The following SLC9A2 variants were observed in gnomAD, a reference collection of about 807,000 sequenced individuals.
SLC9A2 encodes the protein solute carrier family 9 member A2, also known as sodium/hydrogen exchanger 2.
Under a neutral mutation model 71.7 loss-of-function variants are expected in SLC9A2, and 42 were observed. The observed-to-expected ratio is 0.59, with a 90% CI of 0.46 to 0.76. The LOEUF (loss-of-function observed/expected upper bound fraction) is 0.76, where lower values mean the gene tolerates loss of function less well. Ranked by LOEUF, SLC9A2 falls within the 30% of genes least tolerant of loss-of-function variation. The pLI is 0.00. For synonymous variants in SLC9A2, 396 were observed against 392.5 expected, an observed-to-expected ratio of 1.01 and a Z score of -0.10; for missense variants, 829 against 1,017.4, an observed-to-expected ratio of 0.81 and a Z score of 2.52.
At chr2:102,660,904 C>T (rs538637793) in intron 2 of SLC9A2, among the ~76,000 whole-genome samples, 4 of 152,228 alleles carry the variant, frequency 2.6e-5, no homozygotes, top group African/African-American at 9.6e-5. Flanking sequence ...TATATAATCT[C>T]GAGGATGGGT....
chr2:102,642,575 C>T (rs1676604722), intron 1 of SLC9A2, among the ~76,000 whole-genome samples: 1 of 152,114 alleles, frequency 6.6e-6, no homozygotes, highest in East Asian at 1.9e-4. Flanking sequence ...TATTTGCTGA[C>T]ATTTTTGCAT....
chr2:102,665,591 G>A (rs1002811405), intron 3 of SLC9A2, among the ~76,000 whole-genome samples: 2 of 151,756 alleles, frequency 1.3e-5, no homozygotes, highest in African/African-American at 4.8e-5. Flanking sequence ...TGGCTAACAT[G>A]GTGAAACCCC....
At chr2:102,667,019 A>T (rs1163128682) in intron 3 of SLC9A2, among the ~76,000 whole-genome samples, 1 of 152,184 alleles carries the variant, frequency 6.6e-6, no homozygotes, top group African/African-American at 2.4e-5. Context: ...TCAGAAGCAG[A>T]TGAGGTTTGT....
chr2:102,641,601 C>T (rs1676582740), intron 1 of SLC9A2, among the ~76,000 whole-genome samples: 1 of 151,912 alleles, frequency 6.6e-6, no homozygotes, highest in Non-Finnish European at 1.5e-5. Context: ...AGAGACCCTG[C>T]CATGTAATTG....
At chr2:102,694,920 A>G (rs1392901889) in intron 6 of SLC9A2, 123 bp from the exon 7 acceptor site, 1 of 763,662 alleles carries the variant, frequency 1.3e-6, no homozygotes, top group Non-Finnish European at 2.2e-6. Flanking sequence ...TTTGGTAATA[A>G]ATAATAAACA....
chr2:102,674,811 AG>A (rs765389648), intron 3 of SLC9A2, among the ~76,000 whole-genome samples: 4 of 152,212 alleles, frequency 2.6e-5, no homozygotes, highest in Non-Finnish European at 5.9e-5. Flanking sequence ...TGTCTGCCTA[AG>A]CATTTCTCTC....
chr2:102,633,516 C>A (rs957273384), intron 1 of SLC9A2, among the ~76,000 whole-genome samples: 1 of 152,130 alleles, frequency 6.6e-6, no homozygotes, highest in Non-Finnish European at 1.5e-5. Flanking sequence ...TAATAGCACC[C>A]GGCTTCCTTC....
chr2:102,680,100 AT>A (rs1558718028), intron 3 of SLC9A2, among the ~76,000 whole-genome samples: 1 of 152,210 alleles, frequency 6.6e-6, no homozygotes, highest in Non-Finnish European at 1.5e-5. Context: ...GGATTAGAGA[AT>A]TAAAAAATAT....
At chr2:102,632,724 AAAGGCTTACATGG>A (rs1182933830) in intron 1 of SLC9A2, among the ~76,000 whole-genome samples, 2 of 152,184 alleles carry the variant, frequency 1.3e-5, no homozygotes, top group African/African-American at 4.8e-5. Flanking sequence ...GTTGGCATAC[AAAGGCTTACATGG>A]GAAAGACAGA....
intron 7 of SLC9A2, among the ~76,000 whole-genome samples, chr2:102,696,650 G>T (rs1448051093): frequency 6.6e-6 from 1 of 152,154 alleles, no homozygotes; most frequent in Non-Finnish European, 1.5e-5. Flanking sequence ...AATATAATGA[G>T]TGACAAAGAC....
rs758419336 is a variant in SLC9A2, at chr2:102,708,158, C to T, written c.2108C>T (p.Thr703Ile). 1 of 1,614,078 alleles carries T rather than the reference C, an allele frequency of 6.2e-7. No individual in the cohort carries two copies. The highest frequency in any genetic ancestry group is 8.5e-7 in the Non-Finnish European group (1 of 1,179,978). ...SSDSDADAGT[T>I]VLNLQPRARR... The stretch of plus-strand genomic sequence containing the variant: ...GACTCAGACGCAGATGCCGGGACCA[C>T]CGTGCTCAATTTGCAGCCCAGAGCC... Residue 703 changes from threonine to isoleucine, a missense_variant, in exon 12 of 12, where the codon ACC (threonine) becomes ATC (isoleucine). This residue lies in a region of SLC9A2 where 223 missense variants were observed against 197.5 expected (regional missense o/e 1.13). Coordinates refer to ENST00000233969, the MANE Select transcript of SLC9A2 (RefSeq NM_003048.6).
chr2:102,710,558 T>A lies in SLC9A2; in HGVS notation c.*2069T>A, dbSNP rs1315619068. 1 of 152,262 alleles carries A rather than the reference T, an allele frequency of 6.6e-6. No individual in the cohort carries two copies. Among genetic ancestry groups the A allele is most frequent in the Non-Finnish European group, 1.5e-5 (1 of 68,032 alleles). 9.4% of individuals were successfully genotyped at this position (152,262 alleles called of 1,614,324 possible). ...CTTTCAGTAATTCATCCATACAGAA[T>A]TTGGATGACTATGTATAAAGGAAAA... On this transcript the variant is annotated 3_prime_UTR_variant, in exon 12 of 12. Transcript: ENST00000233969.
rs7604834 is a variant in SLC9A2, at chr2:102,668,471, C to T, written c.1004+3121C>T. On this transcript the variant is annotated intron_variant, in intron 3 of 11. Transcript: ENST00000233969. ...AATTAAAAATGCATATCTACACACACGCCTTACAGAACTAGTCATTTTTCC... is the reference window on the plus strand; with the variant it reads ...AATTAAAAATGCATATCTACACACATGCCTTACAGAACTAGTCATTTTTCC... Among the ~76,000 whole-genome samples, 1,414 of 152,292 alleles carry T rather than the reference C, an allele frequency of 9.3e-3. 29 individuals carry two copies. The highest frequency in any genetic ancestry group is 0.033 in the African/African-American group (1,367 of 41,546).
At chr2:102,640,057 C>A (rs1362040487) in intron 1 of SLC9A2, among the ~76,000 whole-genome samples, 1 of 152,196 alleles carries the variant, frequency 6.6e-6, no homozygotes, top group Non-Finnish European at 1.5e-5. Flanking sequence ...AACTCTGTAA[C>A]TTTCTGGCAT....
chr2:102,684,363 AG>A (rs1677509522), intron 5 of SLC9A2, 27 bp downstream of exon 5: 1 of 1,588,830 alleles, frequency 6.3e-7, no homozygotes, highest in Non-Finnish European at 8.6e-7. Context: ...CTTTACCAGG[AG>A]GGTAAAAAAT....
chr2:102,699,463 G>A (rs1217919855), intron 7 of SLC9A2, among the ~76,000 whole-genome samples: 5 of 152,148 alleles, frequency 3.3e-5, no homozygotes, highest in Non-Finnish European at 1.5e-5. Context: ...TATTTTTAAC[G>A]GGAGCACTTG....
chr2:102,704,655 A>T lies in SLC9A2; in HGVS notation c.1957A>T (p.Ser653Cys), dbSNP rs1469038550. 2.5e-6 allele frequency: 4 copies of T among 1,612,718 alleles called. No homozygotes were observed. In the South Asian group the frequency reaches 4.4e-5, roughly 18 times the overall value. The change falls in exon 10 of 12, where the codon AGC becomes TGC. Residue 653 changes from serine (S) to cysteine (C), a missense_variant. Around this residue, in one of 3 missense-constraint regions of SLC9A2, gnomAD observed 223 missense variants for 197.5 expected, o/e 1.13. Transcript: ENST00000233969. The stretch of plus-strand genomic sequence containing the variant: ...GCGAGAAAGCATTAGGAAGGACAGC[A>T]GCTTGAATCGAGAACACAGGGTAAC... ...SLRESIRKDS[S>C]LNREHRASTS...
intron 2 of SLC9A2, among the ~76,000 whole-genome samples, chr2:102,658,823 T>C (rs1304728837): frequency 6.6e-6 from 1 of 152,128 alleles, no homozygotes; most frequent in East Asian, 1.9e-4. Flanking sequence ...CAAAGAGCTC[T>C]GTGTCCACCA....
At chr2:102,704,921 G>A (rs1160678738) in intron 10 of SLC9A2, among the ~76,000 whole-genome samples, 3 of 152,228 alleles carry the variant, frequency 2.0e-5, no homozygotes, top group Admixed American at 6.5e-5. Flanking sequence ...TGGGCCGGTC[G>A]TGGTGGCTCA....
Sources: allele counts gnomAD v4.1 joint callset (sites outside exome capture counted in the v4.1 genomes callset), GRCh38; gene constraint gnomAD v4.1.1; regional missense constraint gnomAD v4.1.1; transcripts MANE v1.5; gene names NCBI Gene and HGNC (gene_info 2026-07-23, HGNC 2026-07-21).